Variants in GABRB1 observed in about 807,000 individuals in gnomAD.
GABRB1 encodes the protein gamma-aminobutyric acid type A receptor subunit beta1.
GABRB1 carries 17 observed loss-of-function variants against 51.6 expected under a neutral mutation model. The observed-to-expected ratio is 0.33, with a 90% confidence interval of 0.23 to 0.49. The LOEUF is 0.49. Among genes scored for constraint, GABRB1 ranks in the 20% least tolerant of loss-of-function variants. GABRB1 has a pLI of 0.99. For missense variants in GABRB1, 410 were observed against 600.6 expected, an observed-to-expected ratio of 0.68 and a Z score of 3.32; for synonymous variants, 247 against 218.9, an observed-to-expected ratio of 1.13 and a Z score of -1.14.
chr4:47,273,727 A>C (rs778783747), intron 4 of GABRB1, among the ~76,000 whole-genome samples: 9 of 152,112 alleles, frequency 5.9e-5, no homozygotes, highest in Non-Finnish European at 1.3e-4. Flanking sequence ...CACAATTGAA[A>C]AAATTATTAC....
At position 46,999,585 on chromosome 4, in the gene GABRB1, T is replaced by C. The variant is rs60913369; in HGVS notation, c.-20+5659T>C. ...AGATATATGTTTCAATATAAATATA[T>C]CAGGAGTAAATGTATACAAAAGAAG... On this transcript the variant is annotated intron_variant, in intron 1 of 3. Transcript: ENST00000513567. Among the ~76,000 whole-genome samples, 1,178 of 152,176 alleles carry C rather than the reference T, an allele frequency of 7.7e-3. 14 individuals are homozygous for C. Among genetic ancestry groups the C allele is most frequent in the African/African-American group, 0.027 (1,101 of 41,510 alleles).
chr4:47,277,780 T>C (rs1333136046), intron 4 of GABRB1, among the ~76,000 whole-genome samples: 1 of 152,082 alleles, frequency 6.6e-6, no homozygotes, highest in African/African-American at 2.4e-5. Context: ...TTGTATTTCC[T>C]ACTTCAAAAT....
intron 3 of GABRB1, among the ~76,000 whole-genome samples, chr4:47,105,853 T>C (rs767734064): frequency 6.6e-6 from 1 of 152,122 alleles, no homozygotes; most frequent in Non-Finnish European, 1.5e-5. Context: ...TCTTGAGCTG[T>C]ATTTCTAGAT....
intron 4 of GABRB1, among the ~76,000 whole-genome samples, chr4:47,201,656 T>C (rs1229765369): frequency 6.6e-6 from 1 of 152,188 alleles, no homozygotes; most frequent in Middle Eastern, 3.2e-3. Context: ...ATATATGTTT[T>C]ATTATTATGC....
chr4:47,144,985 G>C (rs1577948720), intron 3 of GABRB1, among the ~76,000 whole-genome samples: 2 of 151,982 alleles, frequency 1.3e-5, no homozygotes, highest in Middle Eastern at 6.8e-3. Flanking sequence ...ATTTGATTTG[G>C]AGTGGGGATT....
At chr4:47,203,300 A>G (rs748383318) in intron 4 of GABRB1, among the ~76,000 whole-genome samples, 23 of 152,140 alleles carry the variant, frequency 1.5e-4, no homozygotes, top group African/African-American at 3.6e-4. Context: ...CTGTGATTCC[A>G]TCTTGTAAGG....
At chr4:47,078,505 C>T (rs551809330) in intron 3 of GABRB1, among the ~76,000 whole-genome samples, 125 of 152,114 alleles carry the variant, frequency 8.2e-4, no homozygotes, top group Non-Finnish European at 1.7e-3. Context: ...CATCCCTAAG[C>T]AAGGTTGTAA....
intron 4 of GABRB1, among the ~76,000 whole-genome samples, chr4:47,290,560 C>A (rs570254424): frequency 1.3e-5 from 2 of 152,110 alleles, no homozygotes; most frequent in African/African-American, 4.8e-5. Context: ...CAGAAGAAGA[C>A]AGAAAAATGT....
intron 4 of GABRB1, among the ~76,000 whole-genome samples, chr4:47,223,453 C>T (rs1720839925): frequency 6.6e-6 from 1 of 152,036 alleles, no homozygotes; most frequent in African/African-American, 2.4e-5. Context: ...AATGAACTGA[C>T]ATTTTAAGGT....
chr4:47,227,700 A>G (rs1472002739), intron 4 of GABRB1, among the ~76,000 whole-genome samples: 1 of 152,142 alleles, frequency 6.6e-6, no homozygotes, highest in Non-Finnish European at 1.5e-5. Flanking sequence ...TTAGTTTGGT[A>G]GGGCTGCCAT....
intron 5 of GABRB1, among the ~76,000 whole-genome samples, chr4:47,392,338 CT>C (rs5858067): frequency 0.031 from 4,025 of 130,762 alleles, 136 homozygotes; most frequent in African/African-American, 0.099. Context: ...TCCCTTCCAC[CT>C]TTTTTTTTTT....
chr4:47,367,548 A>G (rs978582776), intron 5 of GABRB1, among the ~76,000 whole-genome samples: 2 of 152,200 alleles, frequency 1.3e-5, no homozygotes, highest in Admixed American at 6.5e-5. Context: ...TCTTCTACCC[A>G]AAAGGAACCA....
intron 3 of GABRB1, among the ~76,000 whole-genome samples, chr4:47,064,373 G>A (rs575573992): frequency 1.3e-5 from 2 of 152,140 alleles, no homozygotes; most frequent in East Asian, 1.9e-4. Flanking sequence ...GGTGGCTCAC[G>A]CCTGTAATCC....
intron 3 of GABRB1, among the ~76,000 whole-genome samples, chr4:47,128,002 A>G (rs895047688): frequency 6.6e-6 from 1 of 151,782 alleles, no homozygotes; most frequent in Non-Finnish European, 1.5e-5. Context: ...AGACAAATTT[A>G]CAACTAAGAA....
At chr4:47,137,788 T>C (rs1433036437) in intron 3 of GABRB1, among the ~76,000 whole-genome samples, 2 of 152,144 alleles carry the variant, frequency 1.3e-5, no homozygotes, top group African/African-American at 2.4e-5. Context: ...TTGGACCACA[T>C]AGTAATACAA....
chr4:47,328,939 T>G (rs1725358536), intron 5 of GABRB1, among the ~76,000 whole-genome samples: 2 of 151,854 alleles, frequency 1.3e-5, no homozygotes, highest in Admixed American at 6.6e-5. Flanking sequence ...AAGAAATATC[T>G]GTCCACCTAG....
rs142546292 is a variant in GABRB1, at chr4:47,251,458, A to G, written c.462-68669A>G. 5.8e-3 allele frequency among the ~76,000 whole-genome samples: 883 copies of G among 152,254 alleles called. 3 individuals are homozygous for G. The highest frequency in any genetic ancestry group is 8.3e-3 in the Non-Finnish European group (565 of 68,014). ...GAGGTGGTGCTTTCCCAAAAGCATC[A>G]GCTGGGGTATTATGGAGAGGAACTG... On this transcript the variant is annotated intron_variant, in intron 4 of 8. Coordinates refer to ENST00000295454, the MANE Select transcript of GABRB1 (RefSeq NM_000812.4).
chr4:47,079,201 T>A (rs778850435), intron 3 of GABRB1, among the ~76,000 whole-genome samples: 3 of 152,194 alleles, frequency 2.0e-5, no homozygotes, highest in Non-Finnish European at 4.4e-5. Flanking sequence ...CAGCTCCTTC[T>A]TGTACCTCTG....
chr4:47,197,806 A>G (rs17600029), intron 4 of GABRB1, among the ~76,000 whole-genome samples: 21,038 of 152,138 alleles, frequency 0.14, 1,908 homozygotes, highest in East Asian at 0.31. Flanking sequence ...TTCAATATTT[A>G]AGCCTCTCAT....
Sources: gnomAD v4.1 joint callset for allele counts (sites outside exome capture counted in the v4.1 genomes callset) on GRCh38, gnomAD v4.1.1 for gene constraint, MANE v1.5 for transcripts, NCBI Gene and HGNC (gene_info 2026-07-23, HGNC 2026-07-21) for gene names.